The following ARL5B variants were observed in gnomAD, a reference collection of about 807,000 sequenced individuals.
The protein encoded by ARL5B is ADP-ribosylation factor-like protein 5B.
Under a neutral mutation model 26.9 loss-of-function variants are expected in ARL5B, and 10 were observed. The observed-to-expected ratio is 0.37, with a 90% CI of 0.23 to 0.63. ARL5B has a LOEUF of 0.63. ARL5B is among the 30% of genes least tolerant of loss of function. The probability of loss-of-function intolerance (pLI) is 0.62; values close to 1 mark genes in which losing one functional copy is unlikely to be tolerated. For synonymous variants in ARL5B, 87 were observed against 70.4 expected, an observed-to-expected ratio of 1.24 and a Z score of -1.18; for missense variants, 167 against 213.9, an observed-to-expected ratio of 0.78 and a Z score of 1.37.
At position 18,677,565 on chromosome 10, in the gene ARL5B, G is replaced by T. The variant is rs1229936251; in HGVS notation, c.*2349G>T. The T allele has an allele frequency of 2.6e-5, 4 of 152,134 alleles. No homozygotes were observed. Among genetic ancestry groups the T allele is most frequent in the Admixed American group, 1.3e-4 (2 of 15,204 alleles). The allele number at this position is 152,134 out of a possible 1,614,324, so 9.4% of individuals were successfully genotyped here. A position where few individuals can be genotyped will look rare whatever the true frequency, so the allele number is the denominator to read the frequency against. The stretch of plus-strand genomic sequence containing the variant: ...TTTTCACTCAATCTTTCCTGTCACA[G>T]TAACGTGAAAACTGATTATTCTTTA... On this transcript the variant is annotated 3_prime_UTR_variant, in exon 6 of 6. Transcript: ENST00000377275.
intron 2 of ARL5B, among the ~76,000 whole-genome samples, chr10:18,667,346 T>A (rs1344707869): frequency 6.6e-6 from 1 of 152,220 alleles, no homozygotes; most frequent in Non-Finnish European, 1.5e-5. Flanking sequence ...AGCCAGTGAT[T>A]AACGCATTTT....
At chr10:18,659,855 A>T (rs568332333) in intron 1 of ARL5B, 172 bp downstream of exon 1, 1 of 985,280 alleles carries the variant, frequency 1.0e-6, no homozygotes, top group Non-Finnish European at 1.2e-6. Flanking sequence ...TACAGGAGAG[A>T]CCTGACGTGT....
chr10:18,673,451 T>G (rs2131646380), intron 4 of ARL5B, among the ~76,000 whole-genome samples: 1 of 152,326 alleles, frequency 6.6e-6, no homozygotes, highest in South Asian at 2.1e-4. Flanking sequence ...TCCATGATAA[T>G]ATATTCTGAT....
intron 2 of ARL5B, among the ~76,000 whole-genome samples, 185 bp from the exon 3 acceptor site, chr10:18,668,345 A>G (rs1410615376): frequency 1.3e-5 from 2 of 151,988 alleles, no homozygotes; most frequent in East Asian, 1.9e-4. Flanking sequence ...ACAAGAAACA[A>G]GTCTTTCTTC....
rs1007702171 is a variant in ARL5B at position 18,680,665 on chromosome 10, G to C, written c.*5449G>C. ...TGTAGTTACAAAAACTTTTATTTAT[G>C]ACTTAAAAAAAGTTTAGCTGCTATT... On this transcript the variant is annotated 3_prime_UTR_variant, in exon 6 of 6. Coordinates refer to ENST00000377275, the MANE Select transcript of ARL5B (RefSeq NM_178815.5). 1 of 151,894 alleles carries C rather than the reference G, an allele frequency of 6.6e-6. No homozygotes were observed. The highest frequency in any genetic ancestry group is 2.1e-4 in the South Asian group (1 of 4,820). The allele number at this position is 151,894 out of a possible 1,614,324, so 9.4% of individuals were successfully genotyped here.
At chr10:18,674,320 A>G (rs951823623) in intron 5 of ARL5B, among the ~76,000 whole-genome samples, 185 bp downstream of exon 5, 1 of 152,226 alleles carries the variant, frequency 6.6e-6, no homozygotes, top group Non-Finnish European at 1.5e-5. Context: ...CTGGCAACTT[A>G]AAAACTTTTA....
In ARL5B at chr10:18,674,056, A is replaced by G. The variant is rs1421649857; in HGVS notation, c.412A>G (p.Ile138Val). Reference protein sequence around the residue: ...DMKGCMTAAEISKYLTLSSIK... With the variant: ...DMKGCMTAAEVSKYLTLSSIK... ...GAAAGGGTGTATGACAGCAGCTGAA[A>G]TCTCGAAATACCTCACCCTTAGTTC... is the stretch of plus-strand genomic sequence containing the variant. The change falls in exon 5 of 6, where the codon ATC (isoleucine) becomes GTC (valine). Residue 138 changes from isoleucine to valine, a missense_variant. Transcript: ENST00000377275. 6.2e-7 allele frequency: 1 copy of G among 1,613,428 alleles called. No individual in the cohort carries two copies. Among genetic ancestry groups the G allele is most frequent in the Non-Finnish European group, 8.5e-7 (1 of 1,179,672 alleles).
intron 3 of ARL5B, among the ~76,000 whole-genome samples, chr10:18,670,380 G>T (rs1259729461): frequency 6.6e-6 from 1 of 152,202 alleles, no homozygotes; most frequent in African/African-American, 2.4e-5. Context: ...GTAGGCCGAG[G>T]TGGGCAGATT....
chr10:18,670,431 C>G (rs1330173817), intron 3 of ARL5B, among the ~76,000 whole-genome samples: 2 of 151,962 alleles, frequency 1.3e-5, no homozygotes, highest in Non-Finnish European at 2.9e-5. Context: ...GCCAACATGG[C>G]AAAACCCCAT....
At chr10:18,668,503 G>A (rs1279078204) in intron 2 of ARL5B, 27 bp from the exon 3 acceptor site, 1 of 1,611,202 alleles carries the variant, frequency 6.2e-7, no homozygotes, top group Admixed American at 1.7e-5. Flanking sequence ...ATTTACAAGA[G>A]CTTTTACGGT....
At chr10:18,660,520 T>G (rs949660850) in intron 1 of ARL5B, among the ~76,000 whole-genome samples, 2 of 152,236 alleles carry the variant, frequency 1.3e-5, no homozygotes, top group African/African-American at 4.8e-5. Context: ...CATTTTACAT[T>G]TAAGAGCCGG....
intron 1 of ARL5B, among the ~76,000 whole-genome samples, chr10:18,661,529 ATTC>A (rs2059836685): frequency 1.3e-5 from 2 of 152,188 alleles, no homozygotes; most frequent in African/African-American, 4.8e-5. Context: ...CTGTTATTTT[ATTC>A]TTATTCATTC....
chr10:18,664,599 G>A (rs994538674), intron 1 of ARL5B, among the ~76,000 whole-genome samples: 4 of 151,430 alleles, frequency 2.6e-5, no homozygotes, highest in Admixed American at 6.6e-5. Context: ...CACCATGCCC[G>A]GCTAATTTTT....
chr10:18,675,001 T>G (rs1363929720), intron 5 of ARL5B, among the ~76,000 whole-genome samples, 167 bp from the exon 6 acceptor site: 1 of 152,180 alleles, frequency 6.6e-6, no homozygotes, highest in African/African-American at 2.4e-5. Flanking sequence ...TAAGAGAACA[T>G]TCCATTTAAA....
chr10:18,674,721 C>G (rs2059903219), intron 5 of ARL5B, among the ~76,000 whole-genome samples: 1 of 152,200 alleles, frequency 6.6e-6, no homozygotes, highest in Non-Finnish European at 1.5e-5. Context: ...ACCTCACCTT[C>G]TTAGTTTTTC....
In ARL5B at chr10:18,659,906, C is replaced by T. The variant is rs973359723; in HGVS notation, c.46+223C>T. ...GCAGAAGAGAAGGTATTTGGCGTCC[C>T]AGAATCCAAACTGAGAATGTTTGGA... On this transcript the variant is annotated intron_variant, in intron 1 of 5. Coordinates refer to ENST00000377275, the MANE Select transcript of ARL5B (RefSeq NM_178815.5). 2.0e-5 allele frequency: 20 copies of T among 985,196 alleles called. No homozygotes were observed. The African/African-American group carries it at 2.8e-4, about 14-fold the overall frequency. 61.0% of individuals were successfully genotyped at this position (985,196 alleles called of 1,614,324 possible).
At position 18,675,397 on chromosome 10, in the gene ARL5B, T is replaced by A; in HGVS notation, c.*181T>A. The A allele has an allele frequency of 5.3e-6, 3 of 567,272 alleles. No individual in the cohort carries two copies. Among genetic ancestry groups the A allele is most frequent in the Middle Eastern group, 3.7e-4 (1 of 2,672 alleles). 35.1% of individuals were successfully genotyped at this position (567,272 alleles called of 1,614,324 possible). The stretch of plus-strand genomic sequence containing the variant: ...AGATTTTTTCTTAACTTTTTTTTTT[T>A]AACACACTAATCTTCAGTTGGATGA... On this transcript the variant is annotated 3_prime_UTR_variant, in exon 6 of 6. Coordinates refer to ENST00000377275, the MANE Select transcript of ARL5B (RefSeq NM_178815.5).
At chr10:18,659,822 C>T in intron 1 of ARL5B, 139 bp downstream of exon 1, 3 of 1,501,582 alleles carry the variant, frequency 2.0e-6, no homozygotes, top group East Asian at 5.1e-5. Flanking sequence ...GGCAGAAACT[C>T]AGTGTTTTAG....
Position 18,672,650 on chromosome 10 carries a change from A to G in ARL5B, c.284A>G (p.Asp95Gly). ...EFIILVVDSI[D>G]RERLAITKEE... is the part of the protein sequence containing the mutation. ...ATCATTCTTGTTGTTGATAGCATTG[A>G]CAGGGAACGACTAGCTATTACAAAA... Residue 95 changes from aspartate (D) to glycine (G), a missense_variant, in exon 4 of 6, where the codon GAC (aspartate) becomes GGC (glycine). Physicochemically the swap from Asp to Gly is moderately conservative, Grantham distance 94. Coordinates refer to ENST00000377275, the MANE Select transcript of ARL5B (RefSeq NM_178815.5). The G allele has an allele frequency of 6.2e-7, 1 of 1,610,988 alleles. No homozygotes were observed. The highest frequency in any genetic ancestry group is 8.5e-7 in the Non-Finnish European group (1 of 1,178,472).
Sources: gnomAD v4.1 joint callset for allele counts (sites outside exome capture counted in the v4.1 genomes callset) on GRCh38, gnomAD v4.1.1 for gene constraint, MANE v1.5 for transcripts, NCBI Gene and HGNC (gene_info 2026-07-23, HGNC 2026-07-21) for gene names.